RYR2: variants seen among roughly 807,000 people sequenced by gnomAD.
The protein encoded by RYR2 is cardiac muscle ryanodine receptor-calcium release channel.
In RYR2, 227 loss-of-function variants were observed where a neutral mutation model predicts 601.1. The observed-to-expected ratio is 0.38, with a 90% CI of 0.34 to 0.42. The LOEUF is 0.42. Ranked by LOEUF, RYR2 falls within the 10% of genes least tolerant of loss-of-function variation. RYR2 has a pLI of 1.00. For missense variants in RYR2, 4,646 were observed against 6,156.5 expected (o/e 0.75, Z 8.21); for synonymous variants, 2,223 against 2,175.1 (o/e 1.02, Z -0.61).
intron 1 of RYR2, among the ~76,000 whole-genome samples, chr1:237,045,435 G>A (rs1424272296): frequency 6.6e-6 from 1 of 151,442 alleles, no homozygotes; most frequent in Non-Finnish European, 1.5e-5. Flanking sequence ...TGCTTGTCGA[G>A]TTGGCTCACA....
In RYR2 at chr1:237,664,075, A is replaced by C. The variant is rs796238884; in HGVS notation, c.8437-2437A>C. 8.8e-4 allele frequency among the ~76,000 whole-genome samples: 134 copies of C among 152,250 alleles called. 1 individual carries two copies. The highest frequency in any genetic ancestry group is 3.0e-3 in the African/African-American group (124 of 41,552). On this transcript the variant is annotated intron_variant, in intron 56 of 104. Coordinates refer to ENST00000366574, the MANE Select transcript of RYR2 (RefSeq NM_001035.3). The stretch of plus-strand genomic sequence containing the variant: ...TCCCACAGGTTTTCAACAATTATTT[A>C]CTCCCAAATTCCAATTTCTTACCTT...
chr1:237,222,189 C>T (rs779690088), intron 1 of RYR2, among the ~76,000 whole-genome samples: 14 of 151,802 alleles, frequency 9.2e-5, no homozygotes, highest in Non-Finnish European at 1.6e-4. Context: ...CTGAGGTGGG[C>T]GGATCACGAG....
intron 89 of RYR2, 40 bp from the exon 90 acceptor site, chr1:237,783,635 G>T (rs1377014493): frequency 1.6e-6 from 2 of 1,275,280 alleles, no homozygotes; most frequent in Non-Finnish European, 2.2e-6. Context: ...CACTGATTTT[G>T]TTAGTTTATT....
chr1:237,576,395 G>A (rs960616693), intron 29 of RYR2, among the ~76,000 whole-genome samples: 2 of 152,160 alleles, frequency 1.3e-5, no homozygotes, highest in Admixed American at 1.3e-4. Flanking sequence ...TATTGTTGTA[G>A]GGATAGACAA....
intron 29 of RYR2, among the ~76,000 whole-genome samples, chr1:237,584,763 T>A (rs1674339637): frequency 6.8e-6 from 1 of 147,758 alleles, no homozygotes; most frequent in Admixed American, 7.0e-5. Flanking sequence ...TGGGCTCAGG[T>A]GATCCTCCCA....
chr1:237,090,498 T>G (rs370293598), intron 1 of RYR2, among the ~76,000 whole-genome samples: 32 of 152,248 alleles, frequency 2.1e-4, no homozygotes, highest in African/African-American at 7.2e-4. Flanking sequence ...CCAACAGATT[T>G]TCCCCTAGAG....
chr1:237,657,150 A>G (rs1166018317), intron 53 of RYR2, among the ~76,000 whole-genome samples: 1 of 152,150 alleles, frequency 6.6e-6, no homozygotes, highest in African/African-American at 2.4e-5. Context: ...TTATGTGGTG[A>G]TATCAGTGAT....
At chr1:237,308,657 G>A (rs1694160730) in intron 2 of RYR2, among the ~76,000 whole-genome samples, 1 of 152,186 alleles carries the variant, frequency 6.6e-6, no homozygotes, top group Non-Finnish European at 1.5e-5. Context: ...CTGGCCTCAT[G>A]AATAAAGCTG....
chr1:237,162,509 A>G (rs896862077), intron 1 of RYR2, among the ~76,000 whole-genome samples: 1 of 151,956 alleles, frequency 6.6e-6, no homozygotes, highest in African/African-American at 2.4e-5. Context: ...AACAACAAAA[A>G]ATTGGTTTTG....
chr1:237,208,980 A>ATGTATGTATATATATAT (rs1192681049), intron 1 of RYR2, among the ~76,000 whole-genome samples: 2 of 116,624 alleles, frequency 1.7e-5, no homozygotes, highest in African/African-American at 7.0e-5. Flanking sequence ...ATATATATAT[A>ATGTATGTATATATATAT]TATATGTATA....
chr1:237,371,716 C>A (rs1169735067), intron 6 of RYR2, among the ~76,000 whole-genome samples: 1 of 152,062 alleles, frequency 6.6e-6, no homozygotes, highest in Non-Finnish European at 1.5e-5. Context: ...ACTATGCAGC[C>A]ATGAAAAAGG....
intron 1 of RYR2, among the ~76,000 whole-genome samples, chr1:237,175,405 T>G (rs1677910945): frequency 6.6e-6 from 1 of 152,214 alleles, no homozygotes; most frequent in South Asian, 2.1e-4. Flanking sequence ...AGATTTTTTT[T>G]TCTTTTTTGG....
chr1:237,233,858 T>C (rs1685256748), intron 1 of RYR2, among the ~76,000 whole-genome samples: 1 of 151,034 alleles, frequency 6.6e-6, no homozygotes, highest in South Asian at 2.1e-4. Flanking sequence ...GGCTAATTTT[T>C]GTATTTTTTT....
rs116577407 is a variant in RYR2, at chr1:237,648,773, G to A, written c.7512+160G>A. On this transcript the variant is annotated intron_variant, in intron 49 of 104. Transcript: ENST00000366574. Reference sequence around the variant, plus strand: ...CCATGGGTAAACAGAAAATAAACTAGGCTATGTTCTCAAGGAATTCACTGA... The same window carrying A: ...CCATGGGTAAACAGAAAATAAACTAAGCTATGTTCTCAAGGAATTCACTGA... Among the ~76,000 whole-genome samples, 421 of 152,200 alleles carry A rather than the reference G, an allele frequency of 2.8e-3. 3 individuals are homozygous for A. Among genetic ancestry groups the A allele is most frequent in the African/African-American group, 7.6e-3 (314 of 41,546 alleles).
intron 1 of RYR2, among the ~76,000 whole-genome samples, chr1:237,183,802 A>T (rs1283597061): frequency 2.0e-5 from 3 of 152,214 alleles, no homozygotes; most frequent in African/African-American, 7.2e-5. Flanking sequence ...AATGCCGGTG[A>T]CAAGGAGACA....
chr1:237,140,655 G>A (rs1212792048), intron 1 of RYR2, among the ~76,000 whole-genome samples: 9 of 152,202 alleles, frequency 5.9e-5, no homozygotes, highest in African/African-American at 1.9e-4. Context: ...GGTGGAGTTT[G>A]TTGATAAAAT....
At chr1:237,637,500 T>C (rs1680995432) in intron 44 of RYR2, among the ~76,000 whole-genome samples, 1 of 152,206 alleles carries the variant, frequency 6.6e-6, no homozygotes, top group Non-Finnish European at 1.5e-5. Context: ...ACTGAAACCT[T>C]GGCTAAAAAA....
At chr1:237,726,996 A>G in intron 75 of RYR2, 91 bp from the exon 76 acceptor site, 5 of 738,266 alleles carry the variant, frequency 6.8e-6, no homozygotes, top group East Asian at 2.6e-5. Context: ...GTTTAATACT[A>G]TATTTTTGAA....
At chr1:237,413,707 T>A (rs899162469) in intron 10 of RYR2, among the ~76,000 whole-genome samples, 1 of 152,098 alleles carries the variant, frequency 6.6e-6, no homozygotes, top group Admixed American at 6.6e-5. Context: ...TAGTGATAAC[T>A]TGCACAGAAA....
Sources: allele counts gnomAD v4.1 joint callset (sites outside exome capture counted in the v4.1 genomes callset), GRCh38; gene constraint gnomAD v4.1.1; transcripts MANE v1.5; gene names NCBI Gene and HGNC (gene_info 2026-07-23, HGNC 2026-07-21).